The following ZMAT3 variants were observed in gnomAD, a reference collection of about 807,000 sequenced individuals.
The protein encoded by ZMAT3 is zinc finger matrin-type protein 3.
ZMAT3 carries 17 observed loss-of-function variants against 32.3 expected under a neutral mutation model. The ratio of observed to expected loss-of-function variants is 0.53; its 90% CI spans 0.36 to 0.79. ZMAT3 has a LOEUF of 0.79. ZMAT3 is among the 30% of genes least tolerant of loss of function. The pLI is 0.00. For synonymous variants in ZMAT3, 120 were observed against 133.1 expected (o/e 0.90, Z 0.68); for missense variants, 329 against 359.7 (o/e 0.91, Z 0.69).
In ZMAT3 at chr3:179,054,608, C is replaced by G. The variant is rs1422930556; in HGVS notation, c.270+12875G>C. Among the ~76,000 whole-genome samples the G allele has an allele frequency of 4.6e-5, 7 of 152,176 alleles. No homozygotes were observed. In the East Asian group the frequency reaches 1.3e-3, roughly 29 times the overall value. ...CAATATGAGGCTACCCTCTTTGGGTCCCCTCCCTTTGTATGGGAGCTCTGT... is the reference window on the plus strand; with the variant it reads ...CAATATGAGGCTACCCTCTTTGGGTGCCCTCCCTTTGTATGGGAGCTCTGT... On this transcript the variant is annotated intron_variant, in intron 2 of 5. Transcript: ENST00000311417.
intron 1 of ZMAT3, 59 bp downstream of exon 1, chr3:179,071,536 C>G (rs531223917): frequency 1.3e-5 from 2 of 152,270 alleles, no homozygotes; most frequent in African/African-American, 4.8e-5. Context: ...AACCGCTAGT[C>G]CCCGGCGCTC....
At chr3:179,064,207 T>C (rs1300908207) in intron 2 of ZMAT3, among the ~76,000 whole-genome samples, 1 of 152,266 alleles carries the variant, frequency 6.6e-6, no homozygotes, top group Admixed American at 6.5e-5. Flanking sequence ...CACACAAATG[T>C]GTTTCTAGCT....
intron 2 of ZMAT3, among the ~76,000 whole-genome samples, chr3:179,033,201 C>G (rs1275886865): frequency 6.6e-6 from 1 of 152,206 alleles, no homozygotes; most frequent in African/African-American, 2.4e-5. Context: ...ACCCCGTGCT[C>G]TCTGAAACAT....
At position 179,017,885 on chromosome 3, in the gene ZMAT3, C is replaced by T. The variant is rs1015697345; in HGVS notation, c.*7132G>A. ...ATGCTTTAAAGCAGGATCTGACATA[C>T]TCCAGTAAGGCATTTCAAAGCAGAC... On this transcript the variant is annotated 3_prime_UTR_variant, in exon 6 of 6. Coordinates refer to ENST00000311417, the MANE Select transcript of ZMAT3 (RefSeq NM_022470.4). 1.3e-5 allele frequency: 2 copies of T among 152,202 alleles called. No homozygotes were observed. The highest frequency in any genetic ancestry group is 2.9e-5 in the Non-Finnish European group (2 of 68,040). The allele number at this position is 152,202 out of a possible 1,614,324, so 9.4% of individuals were successfully genotyped here. A position where few individuals can be genotyped will look rare whatever the true frequency, so the allele number is the denominator to read the frequency against.
chr3:179,045,836 A>C (rs1285069549), intron 2 of ZMAT3, among the ~76,000 whole-genome samples: 1 of 152,232 alleles, frequency 6.6e-6, no homozygotes, highest in Non-Finnish European at 1.5e-5. Context: ...GCACAACAAT[A>C]ACCAAAAAAG....
chr3:179,028,372 C>T (rs1348689758), intron 3 of ZMAT3, among the ~76,000 whole-genome samples: 1 of 152,084 alleles, frequency 6.6e-6, no homozygotes, highest in Non-Finnish European at 1.5e-5. Flanking sequence ...TAAAGAGAGC[C>T]TAACAGATTG....
At chr3:179,059,769 A>C (rs996222063) in intron 2 of ZMAT3, among the ~76,000 whole-genome samples, 6 of 152,198 alleles carry the variant, frequency 3.9e-5, no homozygotes, top group Non-Finnish European at 7.4e-5. Context: ...GGAAGTAGTT[A>C]GAGTGGTTGT....
chr3:179,043,439 C>T (rs1477446871), intron 2 of ZMAT3, among the ~76,000 whole-genome samples: 1 of 152,174 alleles, frequency 6.6e-6, no homozygotes, highest in African/African-American at 2.4e-5. Context: ...ACCATCTGAT[C>T]TTTGACAAAC....
chr3:179,017,427 C>A lies in ZMAT3; in HGVS notation c.*7590G>T, dbSNP rs1718330547. 6.6e-6 allele frequency: 1 copy of A among 152,170 alleles called. No individual in the cohort carries two copies. Among genetic ancestry groups the A allele is most frequent in the African/African-American group, 2.4e-5 (1 of 41,444 alleles). The allele number at this position is 152,170 out of a possible 1,614,324, so 9.4% of individuals were successfully genotyped here. ...GAAAATAAAACCGAAAGAGTAGTTT[C>A]AATTTCACAATTCACAGTTGATTGG... On this transcript the variant is annotated 3_prime_UTR_variant, in exon 6 of 6. Coordinates refer to ENST00000311417, the MANE Select transcript of ZMAT3 (RefSeq NM_022470.4).
At chr3:179,061,926 T>C (rs926860963) in intron 2 of ZMAT3, among the ~76,000 whole-genome samples, 9 of 152,076 alleles carry the variant, frequency 5.9e-5, no homozygotes, top group Non-Finnish European at 1.0e-4. Context: ...AAAAATGTGA[T>C]CAATCTTGAC....
At chr3:179,049,991 CAAAAAAAAA>C (rs34239014) in intron 2 of ZMAT3, among the ~76,000 whole-genome samples, 30 of 8,146 alleles carry the variant, frequency 3.7e-3, no homozygotes, top group South Asian at 0.015. Flanking sequence ...GACTCCGTCT[CAAAAAAAAA>C]AAAAAAAAAA....
chr3:179,046,125 G>C lies in ZMAT3; in HGVS notation c.271-15126C>G, dbSNP rs1720223054. ...AAATATGGATTTTAGAGGCTTGTCT[G>C]TATGACAACAGGAAGAAGTCACTAA... On this transcript the variant is annotated intron_variant, in intron 2 of 5. Transcript: ENST00000311417. The surrounding 1 kb of genome is among the most constrained non-coding windows in gnomAD (Gnocchi z 4.3). 1.3e-5 allele frequency among the ~76,000 whole-genome samples: 2 copies of C among 152,156 alleles called. No individual in the cohort carries two copies. Among genetic ancestry groups the C allele is most frequent in the South Asian group, 2.1e-4 (1 of 4,822 alleles).
At chr3:179,031,940 C>CA (rs1719231050) in intron 2 of ZMAT3, among the ~76,000 whole-genome samples, 1 of 4,628 alleles carries the variant, frequency 2.2e-4, no homozygotes, top group Non-Finnish European at 6.0e-4. Flanking sequence ...CCTCTCCCTC[C>CA]CCCTCCCCCT....
chr3:179,035,628 C>T (rs778407729), intron 2 of ZMAT3, among the ~76,000 whole-genome samples: 2 of 152,002 alleles, frequency 1.3e-5, no homozygotes, highest in East Asian at 1.9e-4. Flanking sequence ...CTCTTTCCTC[C>T]GCTCTGTAAT....
intron 2 of ZMAT3, among the ~76,000 whole-genome samples, chr3:179,031,571 A>G (rs1384652226): frequency 6.6e-6 from 1 of 152,214 alleles, no homozygotes; most frequent in Non-Finnish European, 1.5e-5. Flanking sequence ...GAAAGACAAG[A>G]GAACACAGCC....
Position 179,024,969 on chromosome 3 carries a change from AGGC to A in ZMAT3, c.*45_*47del. 6.3e-7 allele frequency: 1 copy of A among 1,587,508 alleles called. No individual in the cohort carries two copies. The highest frequency in any genetic ancestry group is 8.6e-7 in the Non-Finnish European group (1 of 1,157,678). On this transcript the variant is annotated 3_prime_UTR_variant, in exon 6 of 6. Transcript: ENST00000311417. ...CCACAAAGCAGGGCAAGTTGACAAA[AGGC>A]AAACAACAGGCAGGAAAAGCTGCTC...
chr3:179,062,933 A>T (rs1411339731), intron 2 of ZMAT3, among the ~76,000 whole-genome samples: 2 of 152,226 alleles, frequency 1.3e-5, no homozygotes, highest in African/African-American at 2.4e-5. Context: ...TGAGACCCAA[A>T]CACTTCTAAA....
chr3:179,042,799 T>A (rs1327426570), intron 2 of ZMAT3, among the ~76,000 whole-genome samples: 3 of 152,214 alleles, frequency 2.0e-5, no homozygotes, highest in Non-Finnish European at 4.4e-5. Context: ...TGCTTGCAGA[T>A]GACATGATTG....
intron 2 of ZMAT3, among the ~76,000 whole-genome samples, chr3:179,066,556 AC>A (rs1721428857): frequency 6.6e-6 from 1 of 152,244 alleles, no homozygotes; most frequent in South Asian, 2.1e-4. Context: ...ACAGTCTTCT[AC>A]CATACTCTCT....
Sources: allele counts gnomAD v4.1 joint callset (sites outside exome capture counted in the v4.1 genomes callset), GRCh38; gene constraint gnomAD v4.1.1; non-coding constraint Gnocchi (gnomAD v3.1); transcripts MANE v1.5; gene names NCBI Gene and HGNC (gene_info 2026-07-23, HGNC 2026-07-21).